Variants in SNRK observed in about 807,000 individuals in gnomAD.
SNRK encodes the protein SNF-related serine/threonine-protein kinase.
A neutral mutation model predicts 48.2 loss-of-function variants in SNRK; 3 were observed. The ratio of observed to expected loss-of-function variants is 0.06; its 90% CI spans 0.03 to 0.16. SNRK has a LOEUF of 0.16. SNRK is among the 10% of genes least tolerant of loss of function. The pLI is 1.00. For synonymous variants in SNRK, 376 were observed against 366.1 expected, an observed-to-expected ratio of 1.03 and a Z score of -0.31; for missense variants, 627 against 976.0, an observed-to-expected ratio of 0.64 and a Z score of 4.76.
chr3:43,294,751 T>G (rs1575530132), intron 1 of SNRK, among the ~76,000 whole-genome samples: 1 of 152,182 alleles, frequency 6.6e-6, no homozygotes, highest in East Asian at 1.9e-4. Context: ...GTTCCACAAT[T>G]CTTTTTTTGA....
At position 43,347,604 on chromosome 3, in the gene SNRK, G is replaced by A. The variant is rs1559472663; in HGVS notation, c.1345G>A (p.Glu449Lys). ...RKCLFRVEED[E>K]EEDEEDKKPM... is the part of the protein sequence containing the mutation. ...GTGTCTGTTCAGGGTGGAAGAAGAT[G>A]AAGAGGAAGATGAGGAGGACAAGAA... The change falls in exon 7 of 7, where the codon GAA becomes AAA. Residue 449 changes from glutamate to lysine, a missense_variant. This residue lies in a region of SNRK where 175 missense variants were observed against 209.7 expected (regional missense o/e 0.83). Transcript: ENST00000296088. The surrounding 1 kb of genome is among the most constrained non-coding windows in gnomAD (Gnocchi z 5.4). The A allele has an allele frequency of 6.2e-7, 1 of 1,614,014 alleles. No homozygotes were observed. The highest frequency in any genetic ancestry group is 1.1e-5 in the South Asian group (1 of 91,080).
intron 3 of SNRK, among the ~76,000 whole-genome samples, chr3:43,305,219 A>T (rs1052423933): frequency 6.6e-6 from 1 of 152,212 alleles, no homozygotes; most frequent in African/African-American, 2.4e-5. Flanking sequence ...TGGTAAAGGT[A>T]AAGATGTACA....
At chr3:43,322,483 G>T (rs1033162324) in intron 3 of SNRK, among the ~76,000 whole-genome samples, 8 of 152,094 alleles carry the variant, frequency 5.3e-5, no homozygotes, top group Admixed American at 5.2e-4. Context: ...ATAGGAAATG[G>T]TTACTATTCT....
intron 3 of SNRK, among the ~76,000 whole-genome samples, chr3:43,323,318 A>G (rs1044866205): frequency 1.3e-5 from 2 of 152,248 alleles, no homozygotes; most frequent in Admixed American, 1.3e-4. Flanking sequence ...AAAAAGAAAA[A>G]TATTGAATAA....
At position 43,350,980 on chromosome 3, in the gene SNRK, T is replaced by G. The variant is rs973156600; in HGVS notation, c.*2423T>G. ...CGAATTAAAGATAATCCCTACCAAG[T>G]GAAAATTGATGTGTGTTAAGAGGGT... is the stretch of plus-strand genomic sequence containing the variant. On this transcript the variant is annotated 3_prime_UTR_variant, in exon 7 of 7. Coordinates refer to ENST00000296088, the MANE Select transcript of SNRK (RefSeq NM_017719.5). The G allele has an allele frequency of 6.6e-6, 1 of 152,568 alleles. No individual in the cohort carries two copies. Among genetic ancestry groups the G allele is most frequent in the Admixed American group, 6.5e-5 (1 of 15,274 alleles). 9.5% of individuals were successfully genotyped at this position (152,568 alleles called of 1,614,324 possible).
intron 1 of SNRK, among the ~76,000 whole-genome samples, chr3:43,298,572 C>T (rs181850535): frequency 2.0e-5 from 3 of 152,308 alleles, no homozygotes; most frequent in Admixed American, 1.3e-4. Flanking sequence ...TTTCACCTGT[C>T]CTATCTTGTT....
chr3:43,343,158 G>C, intron 5 of SNRK, 186 bp from the exon 6 acceptor site: 1 of 658,146 alleles, frequency 1.5e-6, no homozygotes, highest in Non-Finnish European at 2.4e-6. Context: ...TTATGCAGTT[G>C]TTTTTAGAAC....
intron 1 of SNRK, among the ~76,000 whole-genome samples, chr3:43,295,079 A>T (rs2090842347): frequency 6.6e-6 from 1 of 152,170 alleles, no homozygotes. Context: ...CATGCTTAGC[A>T]TTTTTCATCA....
chr3:43,348,456 C>A lies in SNRK; in HGVS notation c.2197C>A (p.Leu733Ile). 1 of 1,610,876 alleles carries A rather than the reference C, an allele frequency of 6.2e-7. No individual in the cohort carries two copies. Among genetic ancestry groups the A allele is most frequent in the Non-Finnish European group, 8.5e-7 (1 of 1,178,562 alleles). Residue 733 changes from leucine to isoleucine, a missense_variant, in exon 7 of 7, where the codon CTA becomes ATA. Physicochemically the swap from Leu to Ile is conservative, Grantham distance 5. Transcript: ENST00000296088. ...SKNLKNNVLQ[L>I]PLCEKTISVN... ...GAACCTGAAAAATAACGTGCTGCAGCTACCTCTGTGCGAAAAGACCATCTC... is the reference window on the plus strand; with the variant it reads ...GAACCTGAAAAATAACGTGCTGCAGATACCTCTGTGCGAAAAGACCATCTC...
intron 4 of SNRK, among the ~76,000 whole-genome samples, chr3:43,334,662 C>T (rs768373177): frequency 2.6e-5 from 4 of 151,274 alleles, no homozygotes; most frequent in Admixed American, 6.6e-5. Context: ...GGCACAGTCT[C>T]GGCTCACTTC....
chr3:43,342,713 G>A (rs2091246421), intron 5 of SNRK, among the ~76,000 whole-genome samples: 1 of 152,228 alleles, frequency 6.6e-6, no homozygotes, highest in African/African-American at 2.4e-5. Flanking sequence ...GGGCCTTGGT[G>A]GGCCTTGTGT....
intron 3 of SNRK, among the ~76,000 whole-genome samples, chr3:43,307,320 A>C (rs2090945354): frequency 6.6e-6 from 1 of 152,186 alleles, no homozygotes; most frequent in Non-Finnish European, 1.5e-5. Flanking sequence ...CTTTAGATTT[A>C]TCCCTTTTAA....
intron 5 of SNRK, 101 bp downstream of exon 5, chr3:43,340,600 G>C: frequency 9.8e-7 from 1 of 1,017,076 alleles, no homozygotes; most frequent in East Asian, 2.6e-5. Context: ...TAATAGATAA[G>C]AGTTCCCAGT....
intron 4 of SNRK, among the ~76,000 whole-genome samples, chr3:43,334,799 G>T (rs1444417837): frequency 6.6e-6 from 1 of 151,968 alleles, no homozygotes; most frequent in East Asian, 1.9e-4. Context: ...TTAACATGTT[G>T]GCCGGGATGG....
intron 3 of SNRK, among the ~76,000 whole-genome samples, chr3:43,322,507 G>A (rs1338715422): frequency 6.6e-6 from 1 of 152,128 alleles, no homozygotes; most frequent in African/African-American, 2.4e-5. Context: ...GGTAGAAAGA[G>A]TTCTTACAAA....
In SNRK at chr3:43,336,761, G is replaced by GTTTTGT. The variant is rs1366968236; in HGVS notation, c.732-3522_732-3521insGTTTTT. ...TTTTTGTTTGTTTGTTTTGGTTTTG[G>GTTTTGT]TTTTTTTCGAGACGGAGTCTCGCTC... On this transcript the variant is annotated intron_variant, in intron 4 of 6. Transcript: ENST00000296088. 1.4e-4 allele frequency among the ~76,000 whole-genome samples: 21 copies of GTTTTGT among 151,744 alleles called. No homozygotes were observed. The South Asian group carries it at 1.5e-3, about 11-fold the overall frequency.
At chr3:43,307,473 T>C (rs2090946636) in intron 3 of SNRK, among the ~76,000 whole-genome samples, 1 of 152,260 alleles carries the variant, frequency 6.6e-6, no homozygotes, top group South Asian at 2.1e-4. Flanking sequence ...CAGCATATGC[T>C]GACATCATGC....
chr3:43,348,633 G>A lies in SNRK; in HGVS notation c.*76G>A. On this transcript the variant is annotated 3_prime_UTR_variant, in exon 7 of 7. Transcript: ENST00000296088. ...CCGGCTCACTTCACTGTTCCATTTG[G>A]TTTTACTATTTTAAAGTGGGCGTTA... 1 of 1,390,782 alleles carries A rather than the reference G, an allele frequency of 7.2e-7. No individual in the cohort carries two copies. Among genetic ancestry groups the A allele is most frequent in the Non-Finnish European group, 9.3e-7 (1 of 1,072,352 alleles). The allele number at this position is 1,390,782 out of a possible 1,614,324, so 86.2% of individuals were successfully genotyped here. A position where few individuals can be genotyped will look rare whatever the true frequency, so the allele number is the denominator to read the frequency against.
intron 4 of SNRK, among the ~76,000 whole-genome samples, chr3:43,337,609 A>C (rs1001332279): frequency 6.6e-6 from 1 of 152,006 alleles, no homozygotes; most frequent in African/African-American, 2.4e-5. Context: ...AGTCCATTTC[A>C]TACTGCTACA....
Sources: allele counts gnomAD v4.1 joint callset (sites outside exome capture counted in the v4.1 genomes callset), GRCh38; gene constraint gnomAD v4.1.1; regional missense constraint gnomAD v4.1.1; non-coding constraint Gnocchi (gnomAD v3.1); transcripts MANE v1.5; gene names NCBI Gene and HGNC (gene_info 2026-07-23, HGNC 2026-07-21).